The following TSNARE1 variants were observed in gnomAD, a reference collection of about 807,000 sequenced individuals.
TSNARE1 encodes t-SNARE domain-containing protein 1.
TSNARE1 carries 49 observed loss-of-function variants against 62.0 expected under a neutral mutation model. The ratio of observed to expected loss-of-function variants is 0.79; its 90% CI spans 0.63 to 1.00. The LOEUF (loss-of-function observed/expected upper bound fraction) is 1.00, where lower values mean the gene tolerates loss of function less well. TSNARE1 is among the 50% of genes least tolerant of loss of function. TSNARE1 has a pLI of 0.00. For synonymous variants in TSNARE1, 328 were observed against 294.4 expected (o/e 1.11, Z -1.17); for missense variants, 755 against 700.1 (o/e 1.08, Z -0.88).
chr8:142,242,777 C>G (rs1450823552), intron 12 of TSNARE1, among the ~76,000 whole-genome samples: 1 of 152,126 alleles, frequency 6.6e-6, no homozygotes, highest in East Asian at 1.9e-4. Context: ...GCCTGGCCAA[C>G]ATGGTGAAAC....
intron 13 of TSNARE1, among the ~76,000 whole-genome samples, chr8:142,223,112 GTTCACTCATTCACTCATTCACTCA>G (rs1194933488): frequency 1.3e-4 from 2 of 15,602 alleles, no homozygotes; most frequent in African/African-American, 3.9e-4. Flanking sequence ...TCACTCACTC[GTTCACTCATTCACTCATTCACTCA>G]TTCACTCATC....
intron 10 of TSNARE1, among the ~76,000 whole-genome samples, chr8:142,294,189 G>A (rs563750778): frequency 8.5e-5 from 13 of 152,076 alleles, no homozygotes; most frequent in Non-Finnish European, 1.9e-4. Flanking sequence ...TGTGAGGAAG[G>A]GCACCAGAGG....
chr8:142,216,216 C>T (rs1310211211), intron 13 of TSNARE1, among the ~76,000 whole-genome samples: 2 of 152,208 alleles, frequency 1.3e-5, no homozygotes, highest in African/African-American at 4.8e-5. Context: ...CCATGGTGCC[C>T]CCGCCCCTCC....
intron 13 of TSNARE1, among the ~76,000 whole-genome samples, chr8:142,214,029 G>T (rs895108835): frequency 1.3e-5 from 2 of 152,218 alleles, no homozygotes; most frequent in Non-Finnish European, 1.5e-5. Flanking sequence ...CACCTGTCCT[G>T]CCCCCAAGGC....
chr8:142,315,325 G>A (rs549285055), intron 7 of TSNARE1, among the ~76,000 whole-genome samples: 1 of 152,318 alleles, frequency 6.6e-6, no homozygotes, highest in South Asian at 2.1e-4. Flanking sequence ...GCCGGAGCCA[G>A]GAGCTACCCA....
At chr8:142,331,017 GC>G in intron 5 of TSNARE1, 47 bp from the exon 6 acceptor site, 2 of 1,561,978 alleles carry the variant, frequency 1.3e-6, no homozygotes, top group South Asian at 2.2e-5. Flanking sequence ...GAGCTTCCCT[GC>G]CCCCTGCTAC....
At chr8:142,272,538 C>A in intron 12 of TSNARE1, 1 of 388,946 alleles carries the variant, frequency 2.6e-6, no homozygotes, top group Non-Finnish European at 3.0e-6. Flanking sequence ...CTTCCATCTA[C>A]CCACCTGTCT....
At chr8:142,372,488 G>A (rs1331457196) in intron 1 of TSNARE1, among the ~76,000 whole-genome samples, 1 of 152,190 alleles carries the variant, frequency 6.6e-6, no homozygotes, top group Non-Finnish European at 1.5e-5. Context: ...GCTTTGGAAG[G>A]ATGAGAAGAG....
At chr8:142,295,472 C>T (rs1327287379) in intron 10 of TSNARE1, among the ~76,000 whole-genome samples, 2 of 152,224 alleles carry the variant, frequency 1.3e-5, no homozygotes, top group Non-Finnish European at 2.9e-5. Context: ...GCAGCTGGAG[C>T]GGGCCTGTCT....
intron 6 of TSNARE1, among the ~76,000 whole-genome samples, chr8:142,323,828 T>A (rs1339117626): frequency 6.6e-6 from 1 of 151,988 alleles, no homozygotes; most frequent in Non-Finnish European, 1.5e-5. Context: ...CACTTCCCCA[T>A]CCATCCTCAC....
chr8:142,256,007 CCAT>C (rs1818496824), intron 12 of TSNARE1, among the ~76,000 whole-genome samples: 1 of 97,156 alleles, frequency 1.0e-5, no homozygotes, highest in South Asian at 3.8e-4. Context: ...ATCACCACCA[CCAT>C]CACCATCACC....
At chr8:142,219,771 C>A (rs1033393175) in intron 13 of TSNARE1, among the ~76,000 whole-genome samples, 4 of 152,238 alleles carry the variant, frequency 2.6e-5, no homozygotes, top group Admixed American at 1.3e-4. Context: ...GCCCTTCCCC[C>A]CTGCCCCTCC....
At chr8:142,339,355 C>T (rs1437733242) in intron 4 of TSNARE1, among the ~76,000 whole-genome samples, 1 of 143,684 alleles carries the variant, frequency 7.0e-6, no homozygotes, top group Non-Finnish European at 1.5e-5. Flanking sequence ...TACACTGGCC[C>T]AGGCGACCAC....
chr8:142,299,445 G>A (rs1016674255), intron 10 of TSNARE1, among the ~76,000 whole-genome samples: 3 of 152,360 alleles, frequency 2.0e-5, no homozygotes, highest in Admixed American at 6.5e-5. Context: ...AGGCCCTAGC[G>A]CCTTCTGCAG....
At chr8:142,357,043 T>C (rs1834799666) in intron 1 of TSNARE1, among the ~76,000 whole-genome samples, 1 of 150,138 alleles carries the variant, frequency 6.7e-6, no homozygotes, top group Non-Finnish European at 1.5e-5. Context: ...AGCGGGGGCC[T>C]CCAGAAACCA....
At chr8:142,235,258 C>T (rs982636205) in intron 12 of TSNARE1, among the ~76,000 whole-genome samples, 19 of 151,738 alleles carry the variant, frequency 1.3e-4, no homozygotes, top group East Asian at 5.8e-4. Flanking sequence ...CAGAGAAGGA[C>T]GTGACTCACC....
chr8:142,323,978 GT>G (rs1489585432), intron 6 of TSNARE1, among the ~76,000 whole-genome samples: 1 of 152,186 alleles, frequency 6.6e-6, no homozygotes, highest in Non-Finnish European at 1.5e-5. Context: ...CAGTGAACCT[GT>G]GACCCTCACC....
chr8:142,387,539 A>G (rs1837192540), intron 1 of TSNARE1, among the ~76,000 whole-genome samples: 1 of 152,180 alleles, frequency 6.6e-6, no homozygotes, highest in South Asian at 2.1e-4. Flanking sequence ...CCTAACCAAG[A>G]AAAACAAGAG....
chr8:142,222,672 TCATC>T (rs200368017), intron 13 of TSNARE1, among the ~76,000 whole-genome samples: 1 of 133,620 alleles, frequency 7.5e-6, no homozygotes, highest in African/African-American at 3.3e-5. Context: ...ACTCACTCAC[TCATC>T]CACTCATCCA....
Sources: allele counts gnomAD v4.1 joint callset (sites outside exome capture counted in the v4.1 genomes callset), GRCh38; gene constraint gnomAD v4.1.1; transcripts MANE v1.5; gene names NCBI Gene and HGNC (gene_info 2026-07-23, HGNC 2026-07-21).